The following C16orf74 variants were observed in gnomAD, a reference collection of about 807,000 sequenced individuals.
C16orf74 encodes calcimembrin, also known as uncharacterized protein C16orf74.
Under a neutral mutation model 6.5 loss-of-function variants are expected in C16orf74, and 10 were observed. The ratio of observed to expected loss-of-function variants is 1.54; its 90% CI spans 0.95 to 2.61. C16orf74 has a LOEUF of 2.61. Among genes scored for constraint, C16orf74 ranks in the 30% most tolerant of loss-of-function variants. C16orf74 has a pLI of 0.00. For synonymous variants in C16orf74, 60 were observed against 42.5 expected (o/e 1.41, Z -1.60); for missense variants, 141 against 105.9 (o/e 1.33, Z -1.45).
chr16:85,728,135 T>G (rs148801564), intron 2 of C16orf74, among the ~76,000 whole-genome samples: 1 of 151,806 alleles, frequency 6.6e-6, no homozygotes, highest in Non-Finnish European at 1.5e-5. Context: ...GAGAGTGAGA[T>G]CCTGTCTCAA....
intron 2 of C16orf74, among the ~76,000 whole-genome samples, chr16:85,717,435 G>C (rs1244585714): frequency 6.6e-6 from 1 of 152,204 alleles, no homozygotes; most frequent in African/African-American, 2.4e-5. Context: ...GCCACTGTGG[G>C]AACAGGTGGC....
chr16:85,724,744 T>C (rs1442468392), intron 2 of C16orf74, among the ~76,000 whole-genome samples: 3 of 152,106 alleles, frequency 2.0e-5, no homozygotes, highest in African/African-American at 7.2e-5. Flanking sequence ...AGGGTCTCCA[T>C]ATGGTGCCTA....
chr16:85,727,824 A>T (rs2152062127), intron 2 of C16orf74, among the ~76,000 whole-genome samples: 1 of 150,254 alleles, frequency 6.7e-6, no homozygotes, highest in African/African-American at 2.5e-5. Flanking sequence ...AAAAAAACAA[A>T]AAGTGTGGAT....
chr16:85,748,638 G>C (rs1448809117), intron 1 of C16orf74, among the ~76,000 whole-genome samples: 1 of 152,124 alleles, frequency 6.6e-6, no homozygotes, highest in Non-Finnish European at 1.5e-5. Flanking sequence ...ATTATCTAAA[G>C]ACCTGGAATC....
intron 2 of C16orf74, among the ~76,000 whole-genome samples, chr16:85,732,665 CAAAA>C (rs66539936): frequency 1.6e-4 from 7 of 44,170 alleles, no homozygotes; most frequent in East Asian, 1.1e-3. Context: ...GACTCTGTCT[CAAAA>C]AAAAAAAAAA....
chr16:85,721,536 C>G (rs972673101), intron 2 of C16orf74, among the ~76,000 whole-genome samples: 3 of 152,162 alleles, frequency 2.0e-5, no homozygotes, highest in African/African-American at 7.2e-5. Flanking sequence ...CCATGCAATG[C>G]TTGGGACATG....
At chr16:85,710,632 C>A in intron 2 of C16orf74, 1 of 301,040 alleles carries the variant, frequency 3.3e-6, no homozygotes, top group South Asian at 4.6e-5. Flanking sequence ...CGGCCACCAG[C>A]CCCCACTCTC....
intron 1 of C16orf74, among the ~76,000 whole-genome samples, chr16:85,745,071 C>A (rs396480): frequency 8.3e-5 from 12 of 144,272 alleles, no homozygotes; most frequent in Non-Finnish European, 1.8e-4. Context: ...AACCTGGGAG[C>A]TGCAGGTTGT....
intron 2 of C16orf74, among the ~76,000 whole-genome samples, chr16:85,721,403 G>A (rs963342473): frequency 1.3e-5 from 2 of 152,166 alleles, no homozygotes; most frequent in Non-Finnish European, 2.9e-5. Context: ...CAGCTTCTAT[G>A]ACCAAAAATA....
Position 85,748,177 on chromosome 16 carries a change from T to C in C16orf74, c.-19+2749A>G, listed in dbSNP as rs564767582. ...ATATATATGTGTATATATATATATA[T>C]ACACATACATACATTGGTTTCATCT... On this transcript the variant is annotated intron_variant, in intron 1 of 3. Transcript: ENST00000284245. 1.6e-3 allele frequency among the ~76,000 whole-genome samples: 105 copies of C among 66,872 alleles called. 7 individuals are homozygous for C. The highest frequency in any genetic ancestry group is 3.2e-3 in the African/African-American group (96 of 30,360). The allele number at this position is 66,872 out of a possible 152,430, so 43.9% of individuals were successfully genotyped here.
Position 85,735,252 on chromosome 16 carries a change from G to A in C16orf74, c.-18-17C>T. On this transcript the variant is annotated splice_polypyrimidine_tract_variant and intron_variant, in intron 1 of 3. Transcript: ENST00000284245. The stretch of plus-strand genomic sequence containing the variant: ...TCTGCAGGCCTGTGGAGAGAGGACA[G>A]CGCTGAGAGAGGGGAGGGCGCGACT... The A allele has an allele frequency of 6.4e-7, 1 of 1,552,962 alleles. No individual in the cohort carries two copies. The highest frequency in any genetic ancestry group is 1.2e-5 in the South Asian group (1 of 83,334).
At chr16:85,720,731 A>G (rs2054073584) in intron 2 of C16orf74, among the ~76,000 whole-genome samples, 1 of 146,848 alleles carries the variant, frequency 6.8e-6, no homozygotes, top group Non-Finnish European at 1.5e-5. Context: ...AGCTGCAATC[A>G]CACCACGGCA....
intron 2 of C16orf74, among the ~76,000 whole-genome samples, chr16:85,726,185 C>T (rs554285827): frequency 6.6e-6 from 1 of 152,312 alleles, no homozygotes; most frequent in African/African-American, 2.4e-5. Flanking sequence ...GCACTCACCA[C>T]GAAATCCAGC....
chr16:85,750,297 A>G (rs301144), intron 1 of C16orf74, among the ~76,000 whole-genome samples: 85,500 of 152,110 alleles, frequency 0.56, 24,566 homozygotes, highest in Middle Eastern at 0.69. Context: ...AGCCGCCCTC[A>G]GACCCCGCCC....
rs1598783076 is a variant in C16orf74 at position 85,715,480 on chromosome 16, C to A, written c.29-5173G>T. 2.0e-5 allele frequency among the ~76,000 whole-genome samples: 3 copies of A among 152,160 alleles called. No individual in the cohort carries two copies. In the South Asian group the frequency reaches 6.2e-4, roughly 32 times the overall value. On this transcript the variant is annotated intron_variant, in intron 2 of 3. Transcript: ENST00000284245. ...CATCCCCAGACTGGAATCTGGCTGA[C>A]CCCAAGAGCCGGTGCTTCCTGTAGC...
intron 2 of C16orf74, among the ~76,000 whole-genome samples, chr16:85,711,717 A>T (rs1363453439): frequency 6.6e-6 from 1 of 151,940 alleles, no homozygotes; most frequent in East Asian, 1.9e-4. Flanking sequence ...ATGTCCCATC[A>T]CTTTGGTTTT....
chr16:85,744,262 AAG>A (rs1421162194), intron 1 of C16orf74: 11 of 151,702 alleles, frequency 7.3e-5, no homozygotes, highest in Admixed American at 5.3e-4. Context: ...AGAAAAGAAA[AAG>A]AAAATAAAAT....
At chr16:85,714,822 AAGC>A (rs2054006350) in intron 2 of C16orf74, among the ~76,000 whole-genome samples, 1 of 151,838 alleles carries the variant, frequency 6.6e-6, no homozygotes, top group African/African-American at 2.4e-5. Context: ...AGTCCCATCG[AAGC>A]AGGTCTAATA....
At position 85,710,295 on chromosome 16, in the gene C16orf74, C is replaced by A; in HGVS notation, c.41G>T (p.Cys14Phe). The A allele has an allele frequency of 6.6e-7, 1 of 1,512,296 alleles. No homozygotes were observed. Among genetic ancestry groups the A allele is most frequent in the East Asian group, 2.7e-5 (1 of 37,278 alleles). The allele number at this position is 1,512,296 out of a possible 1,614,324, so 93.7% of individuals were successfully genotyped here. Residue 14 changes from cysteine (C) to phenylalanine (F), a missense_variant, in exon 3 of 4, where the codon TGT (cysteine) becomes TTT (phenylalanine). Transcript: ENST00000284245. ...GTGGCTGCTGCTGCTGCTGCTGACACACATTTGAAAGCCTGAGAAGCCAGG... is the reference window on the plus strand; with the variant it reads ...GTGGCTGCTGCTGCTGCTGCTGACAAACATTTGAAAGCCTGAGAAGCCAGG... ...KMSCLKGFQMCVSSSSSSHDE... is the reference protein window; with the variant it reads ...KMSCLKGFQMFVSSSSSSHDE...
Sources: gnomAD v4.1 joint callset for allele counts (sites outside exome capture counted in the v4.1 genomes callset) on GRCh38, gnomAD v4.1.1 for gene constraint, MANE v1.5 for transcripts, NCBI Gene and HGNC (gene_info 2026-07-23, HGNC 2026-07-21) for gene names.